Variants in PTPRD observed in about 807,000 individuals in gnomAD.
PTPRD encodes the protein receptor-type tyrosine-protein phosphatase delta.
In PTPRD, 34 loss-of-function variants were observed where a neutral mutation model predicts 214.5. That is an observed-to-expected ratio of 0.16 (90% CI 0.12 to 0.21). The LOEUF (loss-of-function observed/expected upper bound fraction) is 0.21, where lower values mean the gene tolerates loss of function less well. Among genes scored for constraint, PTPRD ranks in the 10% least tolerant of loss-of-function variants. The pLI is 1.00. For synonymous variants in PTPRD, 1,128 were observed against 845.7 expected, an observed-to-expected ratio of 1.33 and a Z score of -5.79; for missense variants, 2,545 against 2,398.7, an observed-to-expected ratio of 1.06 and a Z score of -1.27.
chr9:10,170,753 C>A (rs1357349788), intron 3 of PTPRD, among the ~76,000 whole-genome samples: 1 of 152,208 alleles, frequency 6.6e-6, no homozygotes, highest in African/African-American at 2.4e-5. Flanking sequence ...ATTCCAAATA[C>A]AAATATTATC....
chr9:9,660,723 A>T (rs2096606679), intron 7 of PTPRD, among the ~76,000 whole-genome samples: 2 of 151,994 alleles, frequency 1.3e-5, no homozygotes, highest in African/African-American at 4.8e-5. Context: ...TATATAACAT[A>T]AACAAAGTGA....
intron 7 of PTPRD, among the ~76,000 whole-genome samples, chr9:9,707,366 T>G (rs2097643305): frequency 6.6e-6 from 1 of 152,184 alleles, no homozygotes; most frequent in South Asian, 2.1e-4. Context: ...TTACACAAGA[T>G]ACAAATTATT....
At chr9:9,931,379 T>C (rs1329434584) in intron 5 of PTPRD, among the ~76,000 whole-genome samples, 3 of 152,108 alleles carry the variant, frequency 2.0e-5, no homozygotes, top group Admixed American at 1.3e-4. Context: ...GCACCGTGCG[T>C]GAGCCGAAGC....
intron 3 of PTPRD, among the ~76,000 whole-genome samples, chr9:10,243,731 C>G (rs1204191737): frequency 1.3e-5 from 2 of 151,882 alleles, no homozygotes; most frequent in African/African-American, 4.8e-5. Context: ...TTGCTCCAAC[C>G]TCTAATTACT....
chr9:8,931,349 G>A (rs1266817067), intron 11 of PTPRD, among the ~76,000 whole-genome samples: 1 of 152,054 alleles, frequency 6.6e-6, no homozygotes, highest in Non-Finnish European at 1.5e-5. Context: ...GTACCATGCT[G>A]TTTTGGTTTC....
chr9:9,264,697 A>G (rs1257349311), intron 9 of PTPRD, among the ~76,000 whole-genome samples: 5 of 151,606 alleles, frequency 3.3e-5, no homozygotes, highest in Non-Finnish European at 7.4e-5. Flanking sequence ...AAGGTCTCCA[A>G]TCACGTTCAC....
chr9:10,475,621 T>C (rs1051654124), intron 2 of PTPRD, among the ~76,000 whole-genome samples: 2 of 151,484 alleles, frequency 1.3e-5, no homozygotes, highest in African/African-American at 4.8e-5. Flanking sequence ...GGACTCCTCC[T>C]CAACTCATGG....
chr9:9,942,202 A>C (rs1285416198), intron 4 of PTPRD, among the ~76,000 whole-genome samples: 2 of 152,140 alleles, frequency 1.3e-5, no homozygotes, highest in African/African-American at 2.4e-5. Flanking sequence ...AATACAAACG[A>C]ATACAACCAT....
chr9:10,221,707 T>C (rs576936262), intron 3 of PTPRD, among the ~76,000 whole-genome samples: 44 of 152,030 alleles, frequency 2.9e-4, no homozygotes, highest in Non-Finnish European at 6.3e-4. Flanking sequence ...CACAATTTTT[T>C]ACCAATGTTG....
At chr9:9,544,043 T>C (rs970028314) in intron 8 of PTPRD, among the ~76,000 whole-genome samples, 1 of 151,610 alleles carries the variant, frequency 6.6e-6, no homozygotes, top group Non-Finnish European at 1.5e-5. Context: ...TCTTCTCTTG[T>C]AGAAAATGCA....
chr9:8,660,879 G>C (rs1178958413), intron 12 of PTPRD, among the ~76,000 whole-genome samples: 1 of 152,080 alleles, frequency 6.6e-6, no homozygotes, highest in South Asian at 2.1e-4. Flanking sequence ...AGCAGTAACA[G>C]TGAGCAATAT....
Position 9,630,137 on chromosome 9 carries a change from G to A in PTPRD, c.-286-55356C>T, listed in dbSNP as rs2095544788. On this transcript the variant is annotated intron_variant, in intron 7 of 45. Transcript: ENST00000381196. ...CATTAGGGGAGATGTGCCAGCACAAGTTCAGCCAGAAGTACTGGCCAGGTC... is the reference window on the plus strand; with the variant it reads ...CATTAGGGGAGATGTGCCAGCACAAATTCAGCCAGAAGTACTGGCCAGGTC... Among the ~76,000 whole-genome samples the A allele has an allele frequency of 3.3e-5, 5 of 152,196 alleles. No homozygotes were observed. The South Asian group carries it at 8.3e-4, about 25-fold the overall frequency.
chr9:8,911,582 G>A (rs1329875726), intron 11 of PTPRD, among the ~76,000 whole-genome samples: 1 of 152,084 alleles, frequency 6.6e-6, no homozygotes, highest in Admixed American at 6.5e-5. Flanking sequence ...GGAAACACAA[G>A]AGAAAATGTT....
intron 9 of PTPRD, among the ~76,000 whole-genome samples, chr9:9,390,420 C>T (rs1043886673): frequency 1.5e-4 from 23 of 152,224 alleles, no homozygotes; most frequent in Middle Eastern, 3.4e-3. Flanking sequence ...CCATGAAATA[C>T]TCGTCCACTC....
chr9:10,283,147 C>T (rs547091096), intron 3 of PTPRD, among the ~76,000 whole-genome samples: 1 of 151,726 alleles, frequency 6.6e-6, no homozygotes, highest in Non-Finnish European at 1.5e-5. Context: ...CACACACACA[C>T]AAACACAACT....
At chr9:8,955,270 AG>A (rs1158616325) in intron 11 of PTPRD, among the ~76,000 whole-genome samples, 2 of 151,888 alleles carry the variant, frequency 1.3e-5, no homozygotes, top group African/African-American at 4.8e-5. Flanking sequence ...TTGAAAGTAA[AG>A]GTTACTTATG....
At position 9,739,479 on chromosome 9, in the gene PTPRD, A is replaced by C. The variant is rs148210483; in HGVS notation, c.-325-4908T>G. Among the ~76,000 whole-genome samples the C allele has an allele frequency of 7.0e-3, 1,071 of 152,194 alleles. 61 individuals carry two copies. The highest frequency in any genetic ancestry group is 0.068 in the Admixed American group (1,043 of 15,284). ...TTCTAGAAATTTTATTCAAAATTCT[A>C]TGTTTTTAGAAAAGTAATTTCTAAC... On this transcript the variant is annotated intron_variant, in intron 6 of 45. Coordinates refer to ENST00000381196, the MANE Select transcript of PTPRD (RefSeq NM_002839.4).
intron 9 of PTPRD, among the ~76,000 whole-genome samples, chr9:9,321,315 G>T (rs150722803): frequency 6.6e-6 from 1 of 152,224 alleles, no homozygotes; most frequent in African/African-American, 2.4e-5. Context: ...CAACACTTTG[G>T]GAGGCCGAGG....
intron 7 of PTPRD, among the ~76,000 whole-genome samples, chr9:9,623,916 G>A (rs1362711265): frequency 6.6e-6 from 1 of 152,102 alleles, no homozygotes; most frequent in East Asian, 1.9e-4. Flanking sequence ...TGAGGAAGTG[G>A]CAAAATAAAG....
Sources: allele counts gnomAD v4.1 joint callset (sites outside exome capture counted in the v4.1 genomes callset), GRCh38; gene constraint gnomAD v4.1.1; transcripts MANE v1.5; gene names NCBI Gene and HGNC (gene_info 2026-07-23, HGNC 2026-07-21).